The following TMSB15B variants were observed in gnomAD, a reference collection of about 807,000 sequenced individuals.
TMSB15B encodes thymosin beta-15B.
chrX:103,932,518 C>A, intron 1 of TMSB15B: 1 of 112,370 alleles, frequency 8.9e-6, no homozygotes, highest in East Asian at 2.8e-4. Context: ...CTTAAATTTA[C>A]TATATTTGCC....
chrX:103,929,343 A>G lies in TMSB15B; in HGVS notation c.-721+10051A>G, dbSNP rs781900022. 2.3e-3 allele frequency among the ~76,000 whole-genome samples: 254 copies of G among 112,073 alleles called. 2 individuals carry two copies. Among genetic ancestry groups the G allele is most frequent in the African/African-American group, 7.6e-3 (235 of 30,867 alleles). The stretch of plus-strand genomic sequence containing the variant: ...GCAATAAACAGAAACTTAAAAAGAT[A>G]ACCTTACTTAGGCACTCTGAGCTCT... On this transcript the variant is annotated intron_variant, in intron 1 of 3. Coordinates refer to the TMSB15B transcript ENST00000419165.
chrX:103,923,919 A>G (rs2074961211), intron 1 of TMSB15B, among the ~76,000 whole-genome samples: 1 of 111,569 alleles, frequency 9.0e-6, no homozygotes, highest in Non-Finnish European at 1.9e-5. Flanking sequence ...GGTCCTTCAC[A>G]TCCCTTGTAT....
intron 1 of TMSB15B, among the ~76,000 whole-genome samples, chrX:103,929,778 C>T (rs7879626): frequency 0.047 from 5,200 of 111,337 alleles, 275 homozygotes; most frequent in African/African-American, 0.16. Context: ...TGCCCAGAAA[C>T]GATTTGAGTT....
intron 1 of TMSB15B, among the ~76,000 whole-genome samples, chrX:103,936,985 G>A (rs782580803): frequency 8.9e-6 from 1 of 112,194 alleles, no homozygotes; most frequent in South Asian, 3.7e-4. Context: ...TGATTTGCGT[G>A]TGTTGAACCA....
intron 1 of TMSB15B, among the ~76,000 whole-genome samples, chrX:103,948,311 A>G (rs2075030757): frequency 8.9e-6 from 1 of 112,247 alleles, no homozygotes; most frequent in Admixed American, 9.4e-5. Context: ...ATTGGCAAGA[A>G]TGTGGGAAAA....
intron 1 of TMSB15B, among the ~76,000 whole-genome samples, chrX:103,925,104 C>G (rs1480477599): frequency 9.0e-6 from 1 of 111,727 alleles, no homozygotes. Context: ...TATCTTTTAT[C>G]GAGGCCACTA....
intron 1 of TMSB15B, among the ~76,000 whole-genome samples, chrX:103,936,136 G>A (rs782626810): frequency 2.6e-3 from 291 of 111,022 alleles, no homozygotes; most frequent in African/African-American, 8.8e-3. Context: ...ATGAGTCACC[G>A]CGCCCAGCTT....
At chrX:103,920,628 A>G (rs374534907) in intron 1 of TMSB15B, among the ~76,000 whole-genome samples, 14 of 112,877 alleles carry the variant, frequency 1.2e-4, no homozygotes, top group East Asian at 8.3e-4. Context: ...CAGATTTTCA[A>G]ATGGGTCTGT....
chrX:103,931,050 T>C (rs1228483110), intron 1 of TMSB15B: 8 of 111,573 alleles, frequency 7.2e-5, no homozygotes. Context: ...TCTCACTGAA[T>C]GCCACAGAAA....
intron 1 of TMSB15B, among the ~76,000 whole-genome samples, chrX:103,936,707 G>A (rs1177040804): frequency 8.9e-6 from 1 of 112,023 alleles, no homozygotes; most frequent in Non-Finnish European, 1.9e-5. Flanking sequence ...GTGAGAGAGG[G>A]CATCCTTGTC....
chrX:103,922,611 G>A (rs1286334579), intron 1 of TMSB15B, among the ~76,000 whole-genome samples: 6 of 110,932 alleles, frequency 5.4e-5, no homozygotes, highest in East Asian at 2.8e-4. Flanking sequence ...TATTATTGAC[G>A]GACATTTGGG....
chrX:103,946,178 A>G (rs1243261966), intron 1 of TMSB15B, among the ~76,000 whole-genome samples: 5 of 111,645 alleles, frequency 4.5e-5, no homozygotes, highest in African/African-American at 9.8e-5. Context: ...ATGCCCCCCA[A>G]ATCCCACAAG....
chrX:103,938,277 A>C (rs782614853), intron 1 of TMSB15B, among the ~76,000 whole-genome samples: 3 of 111,660 alleles, frequency 2.7e-5, no homozygotes, highest in Non-Finnish European at 5.6e-5. Flanking sequence ...AAAGTCTCCC[A>C]CTATTATTGT....
intron 1 of TMSB15B, among the ~76,000 whole-genome samples, chrX:103,935,643 G>T (rs1336042496): frequency 1.6e-4 from 18 of 110,885 alleles, no homozygotes; most frequent in Non-Finnish European, 3.4e-4. Flanking sequence ...AGATCAGATG[G>T]TTGTAGGTGT....
At chrX:103,928,563 C>T (rs1289412912) in intron 1 of TMSB15B, 29 of 1,178,713 alleles carry the variant, frequency 2.5e-5, no homozygotes, top group Non-Finnish European at 3.0e-5. Context: ...GCACCTTCAG[C>T]ATTCTTGAGG....
At chrX:103,940,091 G>A (rs184249137) in intron 1 of TMSB15B, among the ~76,000 whole-genome samples, 10 of 111,783 alleles carry the variant, frequency 8.9e-5, no homozygotes, top group African/African-American at 3.3e-4. Flanking sequence ...GGTGTCTGTC[G>A]ACCCCTGCTG....
chrX:103,942,976 A>G (rs2075016446), intron 1 of TMSB15B, among the ~76,000 whole-genome samples: 1 of 111,595 alleles, frequency 9.0e-6, no homozygotes, highest in South Asian at 3.7e-4. Flanking sequence ...TTAATATAAT[A>G]TACTATGTTA....
In TMSB15B at chrX:103,944,817, G is replaced by A. The variant is rs190496236; in HGVS notation, c.-720-17204G>A. The stretch of plus-strand genomic sequence containing the variant: ...TCTTTCTTTTATGTTTTTTTGAGAC[G>A]GAGCCTCTCTCTGTTACCCAGGCTG... On this transcript the variant is annotated intron_variant, in intron 1 of 3. Coordinates refer to the TMSB15B transcript ENST00000419165. 2.6e-3 allele frequency among the ~76,000 whole-genome samples: 291 copies of A among 111,185 alleles called. 1 individual carries two copies. Among genetic ancestry groups the A allele is most frequent in the African/African-American group, 8.7e-3 (265 of 30,560 alleles).
intron 1 of TMSB15B, among the ~76,000 whole-genome samples, chrX:103,952,589 G>A (rs1469213815): frequency 9.0e-6 from 1 of 111,530 alleles, no homozygotes; most frequent in Non-Finnish European, 1.9e-5. Flanking sequence ...TAGTAGCGGA[G>A]GGGTGAGATA....
Sources: gnomAD v4.1 joint callset for allele counts (sites outside exome capture counted in the v4.1 genomes callset) on GRCh38, gnomAD v4.1.1 for gene constraint, MANE v1.5 for transcripts, NCBI Gene and HGNC (gene_info 2026-07-23, HGNC 2026-07-21) for gene names.